The following KCNH5 variants were observed in gnomAD, a reference collection of about 807,000 sequenced individuals.
KCNH5 encodes the protein potassium voltage-gated channel subfamily H member 5, also known as voltage-gated delayed rectifier potassium channel KCNH5.
In KCNH5, 46 loss-of-function variants were observed where a neutral mutation model predicts 96.1. The ratio of observed to expected loss-of-function variants is 0.48; its 90% CI spans 0.38 to 0.61. KCNH5 has a LOEUF of 0.61. KCNH5 is among the 20% of genes least tolerant of loss of function. The pLI is 0.00. For missense variants in KCNH5, 907 were observed against 1,225.8 expected, an observed-to-expected ratio of 0.74 and a Z score of 3.88; for synonymous variants, 439 against 449.8, an observed-to-expected ratio of 0.98 and a Z score of 0.30.
chr14:62,957,490 T>C (rs1230619451), intron 6 of KCNH5, among the ~76,000 whole-genome samples: 2 of 152,180 alleles, frequency 1.3e-5, no homozygotes, highest in East Asian at 1.9e-4. Flanking sequence ...TTCAAAAACA[T>C]AGCTGTGTTT....
intron 10 of KCNH5, among the ~76,000 whole-genome samples, chr14:62,739,454 C>CT (rs1307276436): frequency 6.6e-6 from 1 of 151,514 alleles, no homozygotes; most frequent in Non-Finnish European, 1.5e-5. Context: ...ATTTTTTTTT[C>CT]TTTTTTTGTG....
chr14:62,890,467 G>A (rs1320122425), intron 7 of KCNH5, among the ~76,000 whole-genome samples: 6 of 151,802 alleles, frequency 4.0e-5, no homozygotes, highest in Non-Finnish European at 7.4e-5. Flanking sequence ...AGGCCGAGGC[G>A]GGCGGATCAC....
intron 7 of KCNH5, among the ~76,000 whole-genome samples, chr14:62,911,839 A>G (rs1247122221): frequency 6.6e-6 from 1 of 151,892 alleles, no homozygotes; most frequent in Non-Finnish European, 1.5e-5. Context: ...GTTCCAGACA[A>G]GCCTGGCCAA....
intron 10 of KCNH5, among the ~76,000 whole-genome samples, chr14:62,757,780 AATG>A (rs1384440819): frequency 6.6e-6 from 1 of 152,168 alleles, no homozygotes; most frequent in East Asian, 1.9e-4. Context: ...TAGAGAGTAG[AATG>A]ATGTTACCAG....
chr14:62,814,456 T>G (rs1272305883), intron 8 of KCNH5, among the ~76,000 whole-genome samples: 3 of 152,118 alleles, frequency 2.0e-5, no homozygotes, highest in Non-Finnish European at 1.5e-5. Context: ...ATTAGAAATA[T>G]ACTTTTAAGT....
intron 7 of KCNH5, among the ~76,000 whole-genome samples, chr14:62,879,800 T>A (rs1188711249): frequency 6.6e-6 from 1 of 152,188 alleles, no homozygotes; most frequent in Non-Finnish European, 1.5e-5. Flanking sequence ...AATTTGTTTC[T>A]TCTTTGTAAA....
intron 4 of KCNH5, among the ~76,000 whole-genome samples, chr14:62,991,721 GT>G (rs1890811803): frequency 6.6e-6 from 1 of 151,932 alleles, no homozygotes; most frequent in South Asian, 2.1e-4. Context: ...GTTCCAAAGA[GT>G]TAGCATTTTT....
intron 8 of KCNH5, among the ~76,000 whole-genome samples, chr14:62,819,756 T>C (rs1887076234): frequency 6.6e-6 from 1 of 152,180 alleles, no homozygotes; most frequent in Non-Finnish European, 1.5e-5. Context: ...ACATGGTATA[T>C]ACATATGCAA....
chr14:62,828,763 C>T (rs1327383060), intron 8 of KCNH5, among the ~76,000 whole-genome samples: 1 of 152,104 alleles, frequency 6.6e-6, no homozygotes, highest in Admixed American at 6.5e-5. Flanking sequence ...CCTCCCAAAC[C>T]TCATGTCCTT....
chr14:62,918,869 T>C (rs1397187038), intron 7 of KCNH5, among the ~76,000 whole-genome samples: 1 of 152,112 alleles, frequency 6.6e-6, no homozygotes, highest in East Asian at 1.9e-4. Context: ...TGCTCCCAAA[T>C]AGGTAATTGT....
chr14:62,849,166 CTT>C (rs1887755553), intron 8 of KCNH5, among the ~76,000 whole-genome samples: 1 of 152,174 alleles, frequency 6.6e-6, no homozygotes, highest in East Asian at 1.9e-4. Flanking sequence ...AAAATAAAGA[CTT>C]ATAAGTTCTT....
intron 7 of KCNH5, among the ~76,000 whole-genome samples, chr14:62,902,452 T>C (rs778466488): frequency 4.6e-5 from 7 of 152,118 alleles, no homozygotes; most frequent in Non-Finnish European, 7.4e-5. Flanking sequence ...GTAGACATTA[T>C]GGGAAGTGAT....
chr14:62,832,456 T>A (rs558992210), intron 8 of KCNH5, among the ~76,000 whole-genome samples: 18 of 152,338 alleles, frequency 1.2e-4, no homozygotes, highest in African/African-American at 3.8e-4. Flanking sequence ...TTTCTATAGA[T>A]GAATTATATA....
intron 8 of KCNH5, among the ~76,000 whole-genome samples, chr14:62,827,567 AT>A (rs35537546): frequency 1.3e-5 from 2 of 152,140 alleles, no homozygotes; most frequent in African/African-American, 4.8e-5. Flanking sequence ...TAACTCACAC[AT>A]TTTTCTTGAG....
chr14:62,907,485 C>T (rs1889052133), intron 7 of KCNH5, among the ~76,000 whole-genome samples: 1 of 152,160 alleles, frequency 6.6e-6, no homozygotes, highest in Non-Finnish European at 1.5e-5. Flanking sequence ...TCATTGACAA[C>T]TTCATGCAAG....
At chr14:62,888,530 G>C (rs1888643094) in intron 7 of KCNH5, among the ~76,000 whole-genome samples, 1 of 152,056 alleles carries the variant, frequency 6.6e-6, no homozygotes, top group Non-Finnish European at 1.5e-5. Flanking sequence ...TCAGCAATAA[G>C]ATCTATATTT....
chr14:62,884,263 G>A (rs1299859692), intron 7 of KCNH5, among the ~76,000 whole-genome samples: 1 of 152,170 alleles, frequency 6.6e-6, no homozygotes. Context: ...GGATTTCTCT[G>A]AGTCTGTGAA....
chr14:63,036,271 G>A (rs1439488965), intron 1 of KCNH5, among the ~76,000 whole-genome samples: 2 of 152,134 alleles, frequency 1.3e-5, no homozygotes, highest in African/African-American at 4.8e-5. Context: ...TGTATATGAT[G>A]TCAGTTATGA....
intron 9 of KCNH5, 75 bp from the exon 10 acceptor site, chr14:62,779,999 A>T: frequency 8.0e-7 from 1 of 1,254,936 alleles, no homozygotes; most frequent in Non-Finnish European, 1.1e-6. Flanking sequence ...ATTCAGTTTC[A>T]TATACAGTAT....
Sources: gnomAD v4.1 joint callset for allele counts (sites outside exome capture counted in the v4.1 genomes callset) on GRCh38, gnomAD v4.1.1 for gene constraint, MANE v1.5 for transcripts, NCBI Gene and HGNC (gene_info 2026-07-23, HGNC 2026-07-21) for gene names.